The following TESK2 variants were observed in gnomAD, a reference collection of about 807,000 sequenced individuals.
TESK2 encodes dual specificity testis-specific protein kinase 2.
A neutral mutation model predicts 57.1 loss-of-function variants in TESK2; 39 were observed. That is an observed-to-expected ratio of 0.68 (90% CI 0.53 to 0.89). The LOEUF (loss-of-function observed/expected upper bound fraction) is 0.89, where lower values mean the gene tolerates loss of function less well. Ranked by LOEUF, TESK2 falls within the 40% of genes least tolerant of loss-of-function variation. TESK2 has a pLI of 0.00. For synonymous variants in TESK2, 249 were observed against 267.9 expected, an observed-to-expected ratio of 0.93 and a Z score of 0.69; for missense variants, 646 against 732.1, an observed-to-expected ratio of 0.88 and a Z score of 1.36.
intron 4 of TESK2, among the ~76,000 whole-genome samples, chr1:45,366,565 CAT>C (rs767294234): frequency 6.6e-6 from 1 of 152,080 alleles, no homozygotes; most frequent in Non-Finnish European, 1.5e-5. Context: ...GCATCCTGCA[CAT>C]GTTTCTACTA....
At chr1:45,377,632 T>TG (rs1648485870) in intron 4 of TESK2, among the ~76,000 whole-genome samples, 2 of 150,526 alleles carry the variant, frequency 1.3e-5, no homozygotes, top group Non-Finnish European at 3.0e-5. Context: ...TTGGCCAGGC[T>TG]GGTCTCGAAC....
intron 2 of TESK2, among the ~76,000 whole-genome samples, chr1:45,452,046 A>AAAAAAAAAAAAAAAAAAAAAAAAAAAAT (rs1557579264): frequency 6.6e-6 from 1 of 151,420 alleles, no homozygotes. Context: ...AAAAAAAAAA[A>AAAAAAAAAAAAAAAAAAAAAAAAAAAAT]ATTTATTTGG....
chr1:45,437,580 A>T (rs1171927577), intron 2 of TESK2, among the ~76,000 whole-genome samples: 1 of 152,134 alleles, frequency 6.6e-6, no homozygotes, highest in Non-Finnish European at 1.5e-5. Flanking sequence ...GACTTCCAGT[A>T]CTATGCTGAA....
At chr1:45,412,453 G>T (rs1008887175) in intron 3 of TESK2, among the ~76,000 whole-genome samples, 1 of 152,292 alleles carries the variant, frequency 6.6e-6, no homozygotes, top group East Asian at 1.9e-4. Flanking sequence ...CTGAGACTGG[G>T]AAAATATCCT....
intron 4 of TESK2, among the ~76,000 whole-genome samples, chr1:45,366,895 A>G (rs1253783817): frequency 6.6e-6 from 1 of 152,190 alleles, no homozygotes; most frequent in Non-Finnish European, 1.5e-5. Flanking sequence ...GCACTTTTGG[A>G]GGCCAAGGTG....
intron 1 of TESK2, among the ~76,000 whole-genome samples, chr1:45,487,367 T>A (rs1052649973): frequency 6.6e-6 from 1 of 152,180 alleles, no homozygotes; most frequent in African/African-American, 2.4e-5. Flanking sequence ...CCCTCCTTGG[T>A]GAGCAGGCCC....
chr1:45,347,171 C>A, intron 7 of TESK2, 109 bp from the exon 8 acceptor site: 3 of 854,006 alleles, frequency 3.5e-6, no homozygotes, highest in Non-Finnish European at 5.7e-6. Context: ...CAGGCCTGGG[C>A]CATATTGCCC....
Position 45,472,802 on chromosome 1 carries a change from T to C in TESK2, c.-86-14931A>G, listed in dbSNP as rs184814712. The stretch of plus-strand genomic sequence containing the variant: ...CAGGAGGCTGTTGGAGACACCATAC[T>C]GGAGCTTAGGAGAGAGGACTAGACT... On this transcript the variant is annotated intron_variant, in intron 1 of 10. Transcript: ENST00000372086. Among the ~76,000 whole-genome samples the C allele has an allele frequency of 1.4e-3, 216 of 151,990 alleles. 1 individual carries two copies. Among genetic ancestry groups the C allele is most frequent in the African/African-American group, 4.9e-3 (202 of 41,472 alleles).
At chr1:45,409,253 G>A (rs563976831) in intron 3 of TESK2, among the ~76,000 whole-genome samples, 11 of 152,230 alleles carry the variant, frequency 7.2e-5, no homozygotes, top group South Asian at 2.1e-4. Context: ...AACAAATATC[G>A]ATGTCTATTT....
chr1:45,349,152 A>G (rs1324992968), intron 5 of TESK2, among the ~76,000 whole-genome samples: 3 of 150,916 alleles, frequency 2.0e-5, no homozygotes, highest in Admixed American at 6.7e-5. Context: ...CAGCCTTGGT[A>G]TCTAGTTGCT....
Position 45,344,128 on chromosome 1 carries a change from C to G in TESK2, c.*712G>C. On this transcript the variant is annotated 3_prime_UTR_variant, in exon 11 of 11. Transcript: ENST00000372086. ...TCACATGTTGATAAATACATAGAAGCAGGCCCTAGGGCCTACAAAACCAGC... is the reference window on the plus strand; with the variant it reads ...TCACATGTTGATAAATACATAGAAGGAGGCCCTAGGGCCTACAAAACCAGC... 5.9e-6 allele frequency: 1 copy of G among 169,492 alleles called. No homozygotes were observed. The highest frequency in any genetic ancestry group is 1.5e-4 in the South Asian group (1 of 6,850). The allele number at this position is 169,492 out of a possible 1,614,324, so 10.5% of individuals were successfully genotyped here.
Position 45,455,123 on chromosome 1 carries a change from C to T in TESK2, c.222+2441G>A, listed in dbSNP as rs559615914. 5.3e-5 allele frequency among the ~76,000 whole-genome samples: 8 copies of T among 152,304 alleles called. No individual in the cohort carries two copies. In the East Asian group the frequency reaches 1.3e-3, roughly 26 times the overall value. On this transcript the variant is annotated intron_variant, in intron 2 of 10. Coordinates refer to ENST00000372086, the MANE Select transcript of TESK2 (RefSeq NM_007170.3). ...AAAGTCATATAGCACTAGATACTGA[C>T]TATTTGCATTCCTATTGTTCCTACA...
chr1:45,344,837 C>G lies in TESK2; in HGVS notation c.*3G>C, dbSNP rs938736880. 1 of 1,610,254 alleles carries G rather than the reference C, an allele frequency of 6.2e-7. No individual in the cohort carries two copies. Among genetic ancestry groups the G allele is most frequent in the Non-Finnish European group, 8.5e-7 (1 of 1,178,546 alleles). On this transcript the variant is annotated 3_prime_UTR_variant, in exon 11 of 11. Transcript: ENST00000372086. Reference sequence around the variant, plus strand: ...CCCAAGGTGAGGCAGGGACTAAACCCCCTCACCCATCCTGCTTTCCCTGGG... The same window carrying G: ...CCCAAGGTGAGGCAGGGACTAAACCGCCTCACCCATCCTGCTTTCCCTGGG...
At chr1:45,446,936 A>G (rs1293318750) in intron 2 of TESK2, among the ~76,000 whole-genome samples, 1 of 152,238 alleles carries the variant, frequency 6.6e-6, no homozygotes, top group Non-Finnish European at 1.5e-5. Context: ...ATGGGGCCTC[A>G]GCCAGGTACA....
In TESK2 at chr1:45,402,405, A is replaced by AG. The variant is rs1232578297; in HGVS notation, c.345-16446_345-16445insC. Among the ~76,000 whole-genome samples the AG allele has an allele frequency of 1.4e-4, 21 of 151,282 alleles. No homozygotes were observed. The East Asian group carries it at 3.5e-3, about 25-fold the overall frequency. The stretch of plus-strand genomic sequence containing the variant: ...CAAGATCTTGTCTTTAAAAAAAAAA[A>AG]AAAAAGAAAAAGAAAAAAGAAAAAG... On this transcript the variant is annotated intron_variant, in intron 3 of 10. Transcript: ENST00000372086.
intron 1 of TESK2, among the ~76,000 whole-genome samples, chr1:45,489,592 C>T (rs954524248): frequency 2.0e-5 from 3 of 152,178 alleles, no homozygotes; most frequent in Non-Finnish European, 4.4e-5. Context: ...ACGTTCGAAA[C>T]CAGCCTGGCC....
In TESK2 at chr1:45,374,341, A is replaced by T. The variant is rs77311445; in HGVS notation, c.393+11571T>A. The stretch of plus-strand genomic sequence containing the variant: ...ATAGCCAAGCCCAAGGAGCTCAAAG[A>T]CTAGTAAGTACAGGATTATAGTCAG... On this transcript the variant is annotated intron_variant, in intron 4 of 10. Coordinates refer to ENST00000372086, the MANE Select transcript of TESK2 (RefSeq NM_007170.3). Among the ~76,000 whole-genome samples, 115 of 152,344 alleles carry T rather than the reference A, an allele frequency of 7.5e-4. No homozygotes were observed. In the East Asian group the frequency reaches 0.013, roughly 18 times the overall value.
At chr1:45,411,416 C>T (rs1448989142) in intron 3 of TESK2, among the ~76,000 whole-genome samples, 8 of 152,152 alleles carry the variant, frequency 5.3e-5, no homozygotes, top group Non-Finnish European at 1.2e-4. Flanking sequence ...GGACGTGCAA[C>T]CAAGATCCCT....
At chr1:45,379,897 A>T (rs1038226285) in intron 4 of TESK2, among the ~76,000 whole-genome samples, 23 of 150,218 alleles carry the variant, frequency 1.5e-4, no homozygotes, top group African/African-American at 5.1e-4. Flanking sequence ...TTTTTTTTAA[A>T]TTTTTTTTTT....
Sources: gnomAD v4.1 joint callset for allele counts (sites outside exome capture counted in the v4.1 genomes callset) on GRCh38, gnomAD v4.1.1 for gene constraint, MANE v1.5 for transcripts, NCBI Gene and HGNC (gene_info 2026-07-23, HGNC 2026-07-21) for gene names.